The following DMD variants were observed in gnomAD, a reference collection of about 807,000 sequenced individuals.
DMD encodes dystrophin.
A neutral mutation model predicts 330.1 loss-of-function variants in DMD; 63 were observed. That is an observed-to-expected ratio of 0.19 (90% CI 0.16 to 0.24). The LOEUF is 0.24. Ranked by LOEUF, DMD falls within the 10% of genes least tolerant of loss-of-function variation. DMD has a pLI of 1.00. For synonymous variants in DMD, 1,223 were observed against 959.8 expected, an observed-to-expected ratio of 1.27 and a Z score of -5.07; for missense variants, 3,344 against 2,684.1, an observed-to-expected ratio of 1.25 and a Z score of -5.43.
intron 54 of DMD, among the ~76,000 whole-genome samples, chrX:31,652,164 A>G (rs779219717): frequency 1.8e-5 from 2 of 111,687 alleles, no homozygotes; most frequent in East Asian, 2.8e-4. Context: ...TTCCCCCCCA[A>G]TTATACATAT....
At chrX:31,936,116 T>C (rs1392774624) in intron 45 of DMD, among the ~76,000 whole-genome samples, 1 of 111,372 alleles carries the variant, frequency 9.0e-6, no homozygotes, top group Non-Finnish European at 1.9e-5. Context: ...AGTAATAAGA[T>C]ATATAGGGGT....
chrX:32,494,579 T>G (rs1365762831), intron 19 of DMD, among the ~76,000 whole-genome samples: 1 of 111,256 alleles, frequency 9.0e-6, no homozygotes. Context: ...CATAGGATAC[T>G]TACCAAAGTT....
At chrX:33,268,600 C>T (rs1300760250) in intron 1 of DMD, among the ~76,000 whole-genome samples, 1 of 111,604 alleles carries the variant, frequency 9.0e-6, no homozygotes, top group Non-Finnish European at 1.9e-5. Flanking sequence ...CAATGAGATA[C>T]CATCTCACAC....
At chrX:32,095,468 A>G (rs916518447) in intron 44 of DMD, among the ~76,000 whole-genome samples, 1 of 111,376 alleles carries the variant, frequency 9.0e-6, no homozygotes, top group East Asian at 2.8e-4. Flanking sequence ...ATTCCTCGAG[A>G]CCAGGTCTGT....
intron 13 of DMD, among the ~76,000 whole-genome samples, chrX:32,588,122 A>C (rs1049748022): frequency 1.8e-5 from 2 of 112,463 alleles, no homozygotes; most frequent in Non-Finnish European, 3.8e-5. Flanking sequence ...AGGTTCATTC[A>C]GTTATCTTAC....
intron 44 of DMD, among the ~76,000 whole-genome samples, chrX:32,126,894 A>G (rs2096664252): frequency 8.9e-6 from 1 of 112,353 alleles, no homozygotes; most frequent in Non-Finnish European, 1.9e-5. Flanking sequence ...TAATTATATT[A>G]AAAAATTCTT....
At chrX:32,923,348 G>T (rs1307595924) in intron 2 of DMD, among the ~76,000 whole-genome samples, 1 of 110,673 alleles carries the variant, frequency 9.0e-6, no homozygotes, top group Non-Finnish European at 1.9e-5. Context: ...ATCACTTGAG[G>T]CCAGGAGTTC....
At chrX:32,375,953 A>C (rs954920571) in intron 34 of DMD, among the ~76,000 whole-genome samples, 4 of 111,758 alleles carry the variant, frequency 3.6e-5, no homozygotes, top group Non-Finnish European at 7.5e-5. Context: ...TGCCAAGTTT[A>C]TAAAGAACAT....
chrX:31,503,144 TTTC>T (rs2070581776), intron 56 of DMD, among the ~76,000 whole-genome samples: 1 of 112,352 alleles, frequency 8.9e-6, no homozygotes, highest in African/African-American at 3.2e-5. Context: ...TTCAATTAAA[TTTC>T]TTTTCTCTCA....
At chrX:31,849,590 G>A (rs1569477678) in intron 48 of DMD, among the ~76,000 whole-genome samples, 1 of 110,831 alleles carries the variant, frequency 9.0e-6, no homozygotes, top group Non-Finnish European at 1.9e-5. Flanking sequence ...AGTAGAAATA[G>A]AAAGCAAAAG....
At chrX:31,140,524 T>C (rs987231180) in intron 76 of DMD, among the ~76,000 whole-genome samples, 11 of 111,809 alleles carry the variant, frequency 9.8e-5, no homozygotes, top group Non-Finnish European at 1.5e-4. Flanking sequence ...ATACCCAACA[T>C]TTGGCTACAA....
At chrX:31,942,689 T>C (rs917765075) in intron 45 of DMD, among the ~76,000 whole-genome samples, 1 of 111,834 alleles carries the variant, frequency 8.9e-6, no homozygotes, top group African/African-American at 3.3e-5. Context: ...TCACAGGTCC[T>C]GTTATGTAGT....
intron 2 of DMD, among the ~76,000 whole-genome samples, chrX:32,901,517 G>T (rs978770105): frequency 9.2e-6 from 1 of 109,152 alleles, no homozygotes; most frequent in Non-Finnish European, 1.9e-5. Flanking sequence ...TTTTAACTTT[G>T]CTTTTGAAAC....
At chrX:32,793,675 C>T (rs2148646889) in intron 7 of DMD, among the ~76,000 whole-genome samples, 1 of 111,482 alleles carries the variant, frequency 9.0e-6, no homozygotes, top group African/African-American at 3.3e-5. Flanking sequence ...TGTATAAATT[C>T]CCGGACACAT....
intron 26 of DMD, among the ~76,000 whole-genome samples, chrX:32,452,297 A>AGGAAAGGGAAAG (rs1381391935): frequency 1.0e-4 from 2 of 19,719 alleles, no homozygotes; most frequent in African/African-American, 2.9e-4. Context: ...GGAAAGGAAA[A>AGGAAAGGGAAAG]GGAAAGGGAA....
chrX:31,119,647 T>G lies in DMD; in HGVS notation c.*2272A>C, dbSNP rs999443110. 2 of 112,197 alleles carry G rather than the reference T, an allele frequency of 1.8e-5. No homozygotes were observed. Among genetic ancestry groups the G allele is most frequent in the African/African-American group, 3.2e-5 (1 of 30,856 alleles). The allele number at this position is 112,197 out of a possible 1,213,427, so 9.2% of individuals were successfully genotyped here. Reference sequence around the variant, plus strand: ...AACAAAAAGATTAAAACAAAATTATTTATGCACTCTATTTACCTCTGATTT... The same window carrying G: ...AACAAAAAGATTAAAACAAAATTATGTATGCACTCTATTTACCTCTGATTT... On this transcript the variant is annotated 3_prime_UTR_variant, in exon 79 of 79. Coordinates refer to ENST00000357033, the MANE Select transcript of DMD (RefSeq NM_004006.3).
intron 16 of DMD, among the ~76,000 whole-genome samples, chrX:32,553,840 T>A (rs1406942993): frequency 8.9e-6 from 1 of 111,902 alleles, no homozygotes; most frequent in Non-Finnish European, 1.9e-5. Flanking sequence ...GACCTCCCCC[T>A]TGCTGCTCTC....
chrX:31,284,550 C>T (rs1023930312), intron 62 of DMD, among the ~76,000 whole-genome samples: 14 of 53,750 alleles, frequency 2.6e-4, no homozygotes, highest in Admixed American at 4.0e-4. Context: ...ACTGCAATAA[C>T]GAACTGTTTC....
chrX:32,855,637 A>C (rs764217515), intron 2 of DMD, among the ~76,000 whole-genome samples: 31 of 112,004 alleles, frequency 2.8e-4, no homozygotes, highest in Non-Finnish European at 5.1e-4. Flanking sequence ...TTAGACCCTT[A>C]TCTCTCGCCA....
Sources: allele counts gnomAD v4.1 joint callset (sites outside exome capture counted in the v4.1 genomes callset), GRCh38; gene constraint gnomAD v4.1.1; transcripts MANE v1.5; gene names NCBI Gene and HGNC (gene_info 2026-07-23, HGNC 2026-07-21).